TNNC1: variants seen among roughly 807,000 people sequenced by gnomAD.
TNNC1 encodes the protein troponin C, slow skeletal and cardiac muscles.
In TNNC1, 10 loss-of-function variants were observed where a neutral mutation model predicts 19.6. That is an observed-to-expected ratio of 0.51 (90% CI 0.31 to 0.87). The LOEUF (loss-of-function observed/expected upper bound fraction) is 0.87, where lower values mean the gene tolerates loss of function less well. Among genes scored for constraint, TNNC1 ranks in the 40% least tolerant of loss-of-function variants. The pLI is 0.04. For synonymous variants in TNNC1, 85 were observed against 80.1 expected (o/e 1.06, Z -0.33); for missense variants, 115 against 219.8 (o/e 0.52, Z 3.02).
rs1238242659 is a variant in TNNC1, at chr3:52,452,353, G to A, written c.56-101C>T. 70 of 1,587,588 alleles carry A rather than the reference G, an allele frequency of 4.4e-5. No individual in the cohort carries two copies. The highest frequency in any genetic ancestry group is 5.7e-5 in the Non-Finnish European group (67 of 1,166,602). On this transcript the variant is annotated intron_variant, in intron 2 of 5. Transcript: ENST00000232975. This position sits in a 1 kb window ranked among gnomAD's most constrained non-coding sequence, Gnocchi z 5.2. ...ACCTGCCAACCTGCCCACCTCCCTC[G>A]GAGACCTCTCTGAGGGCAGAGCAAG... is the stretch of plus-strand genomic sequence containing the variant.
Position 52,451,986 on chromosome 3 carries a change from A to G in TNNC1, c.202+120T>C. ...CCAGGCTTGTGTAGCCCTTATGCCC[A>G]TTTTATAGATGAGGCAACCAAGGCT... On this transcript the variant is annotated intron_variant, in intron 3 of 5. Transcript: ENST00000232975. This position sits in a 1 kb window ranked among gnomAD's most constrained non-coding sequence, Gnocchi z 4.8. 6.4e-7 allele frequency: 1 copy of G among 1,568,880 alleles called. No individual in the cohort carries two copies. The highest frequency in any genetic ancestry group is 8.8e-7 in the Non-Finnish European group (1 of 1,142,358).
rs1706365399 is a variant in TNNC1, at chr3:52,453,846, C to A, written c.24+146G>T. Reference sequence around the variant, plus strand: ...TCTGCATCCTCAAACACCAGAATCACTGTCCCTGTGAGGGCCTGGGTTGAA... The same window carrying A: ...TCTGCATCCTCAAACACCAGAATCAATGTCCCTGTGAGGGCCTGGGTTGAA... On this transcript the variant is annotated intron_variant, in intron 1 of 5. Coordinates refer to ENST00000232975, the MANE Select transcript of TNNC1 (RefSeq NM_003280.3). 5 of 936,492 alleles carry A rather than the reference C, an allele frequency of 5.3e-6. No individual in the cohort carries two copies. In the Admixed American group the frequency reaches 6.4e-5, roughly 12 times the overall value. The allele number at this position is 936,492 out of a possible 1,614,324, so 58.0% of individuals were successfully genotyped here. A position where few individuals can be genotyped will look rare whatever the true frequency, so the allele number is the denominator to read the frequency against.
At chr3:52,453,164 G>C (rs987492151) in intron 1 of TNNC1, among the ~76,000 whole-genome samples, 10 of 152,226 alleles carry the variant, frequency 6.6e-5, no homozygotes, top group African/African-American at 2.4e-4. Flanking sequence ...CCAGGAGTGA[G>C]GGAGGCTGAG....
rs369241872 is a variant in TNNC1 at position 52,451,330 on chromosome 3, G to A, written c.455-24C>T. 4 of 1,614,020 alleles carry A rather than the reference G, an allele frequency of 2.5e-6. No individual in the cohort carries two copies. The African/African-American group carries it at 4.0e-5, about 16-fold the overall frequency. ...CTCTGTGGAAAGAGGGGCAGGTGTG[G>A]GTTGAGGGTAGGGGCTGGGCAGGGC... On this transcript the variant is annotated intron_variant, in intron 5 of 5. Transcript: ENST00000232975. The surrounding 1 kb of genome is among the most constrained non-coding windows in gnomAD (Gnocchi z 4.8).
chr3:52,451,416 G>T lies in TNNC1; in HGVS notation c.429C>A (p.Asn143Lys), dbSNP rs1578263746. 1.2e-6 allele frequency: 2 copies of T among 1,614,174 alleles called. No homozygotes were observed. Among genetic ancestry groups the T allele is most frequent in the Non-Finnish European group, 1.7e-6 (2 of 1,180,022 alleles). ...IEELMKDGDK[N>K]NDGRIDYDEF... Reference sequence around the variant, plus strand: ...CATCATAGTCGATGCGGCCGTCGTTGTTCTTGTCTCCGTCCTTCATGAGCT... The same window carrying T: ...CATCATAGTCGATGCGGCCGTCGTTTTTCTTGTCTCCGTCCTTCATGAGCT... Residue 143 changes from asparagine to lysine, a missense_variant, in exon 5 of 6, where the codon AAC becomes AAA. Coordinates refer to ENST00000232975, the MANE Select transcript of TNNC1 (RefSeq NM_003280.3). The surrounding 1 kb of genome is among the most constrained non-coding windows in gnomAD (Gnocchi z 4.8).
At position 52,453,466 on chromosome 3, in the gene TNNC1, C is replaced by G. The variant is rs1025839392; in HGVS notation, c.24+526G>C. Among the ~76,000 whole-genome samples the G allele has an allele frequency of 1.3e-4, 20 of 152,204 alleles. 1 individual carries two copies. The highest frequency in any genetic ancestry group is 1.5e-5 in the Non-Finnish European group (1 of 68,042). On this transcript the variant is annotated intron_variant, in intron 1 of 5. Transcript: ENST00000232975. ...CTTCCCTGCCTCAAACTTCAAAGCC[C>G]CATCTCCAGCCCAGGACTCAGGCTC... is the stretch of plus-strand genomic sequence containing the variant.
chr3:52,453,244 C>A (rs1578264871), intron 1 of TNNC1, among the ~76,000 whole-genome samples: 1 of 152,186 alleles, frequency 6.6e-6, no homozygotes, highest in Admixed American at 6.5e-5. Context: ...GAGGTCACCA[C>A]CACCCAGGAT....
Position 52,452,164 on chromosome 3 carries a change from C to A in TNNC1, c.144G>T (p.Leu48=), listed in dbSNP as rs1251887019. 16 of 1,613,890 alleles carry A rather than the reference C, an allele frequency of 9.9e-6. No homozygotes were observed. Among genetic ancestry groups the A allele is most frequent in the Admixed American group, 1.7e-5 (1 of 60,006 alleles). The part of the protein sequence containing the change: ...TKELGKVMRM[L]GQNPTPEELQ... ...GCTCCTCAGGGGTGGGGTTCTGGCC[C>A]AGCATCCTCATCACCTTGCCCAGCT... The change falls in exon 3 of 6, where the codon CTG becomes CTT. Residue 48 remains leucine, a synonymous_variant. Transcript: ENST00000232975. The surrounding 1 kb of genome is among the most constrained non-coding windows in gnomAD (Gnocchi z 5.2).
At chr3:52,453,437 A>G (rs1026363420) in intron 1 of TNNC1, among the ~76,000 whole-genome samples, 1 of 152,170 alleles carries the variant, frequency 6.6e-6, no homozygotes, top group Non-Finnish European at 1.5e-5. Flanking sequence ...CCTCATGTCC[A>G]GAACTTCCCT....
rs1040084935 is a variant in TNNC1 at position 52,451,911 on chromosome 3, G to C, written c.203-53C>G. The C allele has an allele frequency of 6.4e-7, 1 of 1,571,934 alleles. No homozygotes were observed. The highest frequency in any genetic ancestry group is 8.7e-7 in the Non-Finnish European group (1 of 1,142,970). On this transcript the variant is annotated intron_variant, in intron 3 of 5. Coordinates refer to ENST00000232975, the MANE Select transcript of TNNC1 (RefSeq NM_003280.3). The surrounding 1 kb of genome is among the most constrained non-coding windows in gnomAD (Gnocchi z 4.8). ...GAGGCCAGGGTAGGTACTGCAGGCA[G>C]CACCTTCGACACGAACCCCCATGTT...
Position 52,451,984 on chromosome 3 carries a change from C to T in TNNC1, c.202+122G>A. On this transcript the variant is annotated intron_variant, in intron 3 of 5. Coordinates refer to ENST00000232975, the MANE Select transcript of TNNC1 (RefSeq NM_003280.3). This position sits in a 1 kb window ranked among gnomAD's most constrained non-coding sequence, Gnocchi z 4.8. ...CGCCAGGCTTGTGTAGCCCTTATGC[C>T]CATTTTATAGATGAGGCAACCAAGG... 1 of 1,564,964 alleles carries T rather than the reference C, an allele frequency of 6.4e-7. No homozygotes were observed.
At position 52,451,693 on chromosome 3, in the gene TNNC1, A is replaced by G; in HGVS notation, c.317+51T>C. 8 of 1,595,404 alleles carry G rather than the reference A, an allele frequency of 5.0e-6. No individual in the cohort carries two copies. The highest frequency in any genetic ancestry group is 6.0e-6 in the Non-Finnish European group (7 of 1,162,946). ...GGAATCTGAGACTGCCCTCCTGTAC[A>G]GCTCGGCTTGAGTGTGGGTCAGGGT... On this transcript the variant is annotated intron_variant, in intron 4 of 5. Transcript: ENST00000232975. The surrounding 1 kb of genome is among the most constrained non-coding windows in gnomAD (Gnocchi z 4.8).
Position 52,451,249 on chromosome 3 carries a change from A to G in TNNC1, c.*26T>C. 1 of 1,613,988 alleles carries G rather than the reference A, an allele frequency of 6.2e-7. No homozygotes were observed. The highest frequency in any genetic ancestry group is 8.5e-7 in the Non-Finnish European group (1 of 1,179,964). On this transcript the variant is annotated 3_prime_UTR_variant, in exon 6 of 6. Coordinates refer to ENST00000232975, the MANE Select transcript of TNNC1 (RefSeq NM_003280.3). This position sits in a 1 kb window ranked among gnomAD's most constrained non-coding sequence, Gnocchi z 4.8. ...TCAGCTGGAGTTGGAGGCTGGGCAT[A>G]GGCAGCTCTGGGTGAAGGTCAGCAT...
In TNNC1 at chr3:52,451,659, C is replaced by T. The variant is rs1421685799; in HGVS notation, c.317+85G>A. ...CCTATCAGGCAGAGGCCACAGGGTCCCTAGGCCTGGAATCTGAGACTGCCC... is the reference window on the plus strand; with the variant it reads ...CCTATCAGGCAGAGGCCACAGGGTCTCTAGGCCTGGAATCTGAGACTGCCC... On this transcript the variant is annotated intron_variant, in intron 4 of 5. Coordinates refer to ENST00000232975, the MANE Select transcript of TNNC1 (RefSeq NM_003280.3). This position sits in a 1 kb window ranked among gnomAD's most constrained non-coding sequence, Gnocchi z 4.8. The T allele has an allele frequency of 6.3e-7, 1 of 1,576,448 alleles. No homozygotes were observed. Among genetic ancestry groups the T allele is most frequent in the Admixed American group, 1.7e-5 (1 of 59,704 alleles).
rs1706336968 is a variant in TNNC1, at chr3:52,452,019, G to C, written c.202+87C>G. The C allele has an allele frequency of 3.1e-6, 5 of 1,604,004 alleles. No homozygotes were observed. Among genetic ancestry groups the C allele is most frequent in the Non-Finnish European group, 3.4e-6 (4 of 1,172,644 alleles). On this transcript the variant is annotated intron_variant, in intron 3 of 5. Transcript: ENST00000232975. This position sits in a 1 kb window ranked among gnomAD's most constrained non-coding sequence, Gnocchi z 5.2. ...GATGAGGCAACCAAGGCTCGGATAG[G>C]CTAAATTGCTCCCAGCTAAACAGAG...
In TNNC1 at chr3:52,451,452, G is replaced by T. The variant is rs147821122; in HGVS notation, c.393C>A (p.Asp131Glu). ...LQATGETITE[D>E]DIEELMKDGD... ...CGTCCTTCATGAGCTCCTCGATGTCGTCCTCCGTGATGGTCTCGCCTGTAG... is the reference window on the plus strand; with the variant it reads ...CGTCCTTCATGAGCTCCTCGATGTCTTCCTCCGTGATGGTCTCGCCTGTAG... The change falls in exon 5 of 6, where the codon GAC becomes GAA. Residue 131 changes from aspartate to glutamate, a missense_variant. Coordinates refer to ENST00000232975, the MANE Select transcript of TNNC1 (RefSeq NM_003280.3). This position sits in a 1 kb window ranked among gnomAD's most constrained non-coding sequence, Gnocchi z 4.8. 2 of 1,613,992 alleles carry T rather than the reference G, an allele frequency of 1.2e-6. No individual in the cohort carries two copies. The highest frequency in any genetic ancestry group is 3.3e-5 in the Admixed American group (2 of 59,998).
Position 52,451,541 on chromosome 3 carries a change from G to A in TNNC1, c.318-14C>T. The A allele has an allele frequency of 6.2e-7, 1 of 1,613,970 alleles. No individual in the cohort carries two copies. The highest frequency in any genetic ancestry group is 8.5e-7 in the Non-Finnish European group (1 of 1,180,004). Reference sequence around the variant, plus strand: ...CCATCAGCATTTCTGTGGGGAGGGGGCTCAGGGTAGGGCTGTGGGGAGGGC... The same window carrying A: ...CCATCAGCATTTCTGTGGGGAGGGGACTCAGGGTAGGGCTGTGGGGAGGGC... On this transcript the variant is annotated splice_polypyrimidine_tract_variant and intron_variant, in intron 4 of 5. Coordinates refer to ENST00000232975, the MANE Select transcript of TNNC1 (RefSeq NM_003280.3). This position sits in a 1 kb window ranked among gnomAD's most constrained non-coding sequence, Gnocchi z 4.8.
In TNNC1 at chr3:52,451,932, A is replaced by G; in HGVS notation, c.203-74T>C. 2 of 1,540,696 alleles carry G rather than the reference A, an allele frequency of 1.3e-6. No homozygotes were observed. Among genetic ancestry groups the G allele is most frequent in the South Asian group, 2.2e-5 (2 of 89,632 alleles). Reference sequence around the variant, plus strand: ...GGCAGCACCTTCGACACGAACCCCCATGTTCTCACCGCATCCTCACACCAA... The same window carrying G: ...GGCAGCACCTTCGACACGAACCCCCGTGTTCTCACCGCATCCTCACACCAA... On this transcript the variant is annotated intron_variant, in intron 3 of 5. Transcript: ENST00000232975. The surrounding 1 kb of genome is among the most constrained non-coding windows in gnomAD (Gnocchi z 4.8).
In TNNC1 at chr3:52,451,518, A is replaced by G. The variant is rs1191773624; in HGVS notation, c.327T>C (p.Asp109=). 1.4e-5 allele frequency: 23 copies of G among 1,613,980 alleles called. No individual in the cohort carries two copies. The highest frequency in any genetic ancestry group is 1.9e-5 in the Non-Finnish European group (23 of 1,180,014). The stretch of plus-strand genomic sequence containing the variant: ...TCAGCTCATCCAGGTCGATGTAGCC[A>G]TCAGCATTTCTGTGGGGAGGGGGCT... ...DLFRMFDKNA[D]GYIDLDELKI... The change falls in exon 5 of 6, where the codon GAT becomes GAC. Residue 109 remains aspartate (D), a synonymous_variant. Transcript: ENST00000232975. The surrounding 1 kb of genome is among the most constrained non-coding windows in gnomAD (Gnocchi z 4.8).
Sources: gnomAD v4.1 joint callset for allele counts (sites outside exome capture counted in the v4.1 genomes callset) on GRCh38, gnomAD v4.1.1 for gene constraint, Gnocchi (gnomAD v3.1) non-coding constraint, MANE v1.5 for transcripts, NCBI Gene and HGNC (gene_info 2026-07-23, HGNC 2026-07-21) for gene names.